Variants in REEP1 observed in about 807,000 individuals in gnomAD.
REEP1 encodes the protein receptor expression-enhancing protein 1.
In REEP1, 22 loss-of-function variants were observed where a neutral mutation model predicts 40.3. The observed-to-expected ratio is 0.55, with a 90% confidence interval of 0.39 to 0.78. The LOEUF is 0.78. REEP1 is among the 30% of genes least tolerant of loss of function. The pLI is 0.00. For missense variants in REEP1, 280 were observed against 361.1 expected (o/e 0.78, Z 1.82); for synonymous variants, 116 against 139.2 (o/e 0.83, Z 1.17).
In REEP1 at chr2:86,337,437, G is replaced by A; in HGVS notation, c.32+42C>T. 1 of 1,213,270 alleles carries A rather than the reference G, an allele frequency of 8.2e-7. No individual in the cohort carries two copies. Among genetic ancestry groups the A allele is most frequent in the Admixed American group, 4.2e-5 (1 of 23,796 alleles). The allele number at this position is 1,213,270 out of a possible 1,614,324, so 75.2% of individuals were successfully genotyped here. ...GCGCGCAGCCCGGGGCCGGGGGCGG[G>A]GAGGGAGGGGACGGAGGGGCGCGGG... On this transcript the variant is annotated intron_variant, in intron 1 of 8. Transcript: ENST00000538924. The surrounding 1 kb of genome is among the most constrained non-coding windows in gnomAD (Gnocchi z 5.8).
intron 3 of REEP1, 62 bp downstream of exon 3, chr2:86,263,900 ACCT>A: frequency 1.6e-6 from 2 of 1,237,528 alleles, no homozygotes; most frequent in South Asian, 2.4e-5. Flanking sequence ...GCCCTTTCCC[ACCT>A]CCCCCTGAGT....
Position 86,232,602 on chromosome 2 carries a change from A to C in REEP1, c.595+23T>G, listed in dbSNP as rs765473644. 5.6e-6 allele frequency: 9 copies of C among 1,610,762 alleles called. No homozygotes were observed. In the East Asian group the frequency reaches 2.0e-4, roughly 36 times the overall value. On this transcript the variant is annotated intron_variant, in intron 6 of 8. Coordinates refer to ENST00000538924, the MANE Select transcript of REEP1 (RefSeq NM_001371279.1). The stretch of plus-strand genomic sequence containing the variant: ...AAGCGAGGCCCAAGGAGTGGGAAAG[A>C]GGGGAAGTAAAGTGACACCTACCTG...
At position 86,217,169 on chromosome 2, in the gene REEP1, G is replaced by C. The variant is rs186326430; in HGVS notation, c.784-59C>G. The C allele has an allele frequency of 3.1e-4, 438 of 1,430,750 alleles. 3 individuals are homozygous for C. Among genetic ancestry groups the C allele is most frequent in the Admixed American group, 9.1e-4 (54 of 59,630 alleles). 88.6% of individuals were successfully genotyped at this position (1,430,750 alleles called of 1,614,324 possible). On this transcript the variant is annotated intron_variant, in intron 8 of 8. Coordinates refer to ENST00000538924, the MANE Select transcript of REEP1 (RefSeq NM_001371279.1). ...TGGTGTAAATGTGGGATCTTTTGAGGTCAGCACCTGGAAGGCATTGTGTTG... is the reference window on the plus strand; with the variant it reads ...TGGTGTAAATGTGGGATCTTTTGAGCTCAGCACCTGGAAGGCATTGTGTTG...
chr2:86,215,042 T>TTTTTTC lies in REEP1; in HGVS notation c.*1996_*1997insGAAAAA, dbSNP rs1674030523. 6.6e-6 allele frequency: 1 copy of TTTTTTC among 150,482 alleles called. No homozygotes were observed. Among genetic ancestry groups the TTTTTTC allele is most frequent in the Non-Finnish European group, 1.5e-5 (1 of 67,650 alleles). 9.3% of individuals were successfully genotyped at this position (150,482 alleles called of 1,614,324 possible). A position where few individuals can be genotyped will look rare whatever the true frequency, so the allele number is the denominator to read the frequency against. ...TGTAAGCTTTTTTTTTTTTTTTTTT[T>TTTTTTC]TTTTGCATTCGTTTCTGATAATTCT... On this transcript the variant is annotated 3_prime_UTR_variant, in exon 9 of 9. Transcript: ENST00000538924.
intron 6 of REEP1, among the ~76,000 whole-genome samples, chr2:86,231,827 G>A (rs75267319): frequency 1.8e-3 from 280 of 152,244 alleles, no homozygotes; most frequent in African/African-American, 6.2e-3. Flanking sequence ...CCTGAAACCC[G>A]TGCTGGTGGA....
chr2:86,271,797 A>G (rs1459867400), intron 2 of REEP1, among the ~76,000 whole-genome samples: 2 of 152,246 alleles, frequency 1.3e-5, no homozygotes, highest in Non-Finnish European at 2.9e-5. Flanking sequence ...GGATCTGGGA[A>G]TTCTCAACAT....
intron 5 of REEP1, among the ~76,000 whole-genome samples, chr2:86,249,100 A>G (rs1383211891): frequency 6.6e-6 from 1 of 152,174 alleles, no homozygotes. Flanking sequence ...CTCTACTAAA[A>G]ATATAAAAAT....
chr2:86,249,712 T>C (rs1676164012), intron 5 of REEP1, among the ~76,000 whole-genome samples: 1 of 152,210 alleles, frequency 6.6e-6, no homozygotes, highest in Non-Finnish European at 1.5e-5. Flanking sequence ...GACCAAGGCC[T>C]GAAGTGATCC....
intron 5 of REEP1, chr2:86,251,710 G>A (rs553911742): frequency 2.9e-5 from 16 of 548,152 alleles, no homozygotes; most frequent in Non-Finnish European, 4.6e-5. Flanking sequence ...AACCTGGGAC[G>A]CACAGATGAG....
Position 86,214,956 on chromosome 2 carries a change from T to C in REEP1, c.*2083A>G, listed in dbSNP as rs1674020701. ...ATATAGGTTGTTCACGATAGGATTT[T>C]AAACTGCTGCTAAAGGCAATTTATT... On this transcript the variant is annotated 3_prime_UTR_variant, in exon 9 of 9. Transcript: ENST00000538924. The C allele has an allele frequency of 6.8e-6, 1 of 146,262 alleles. No individual in the cohort carries two copies. Among genetic ancestry groups the C allele is most frequent in the South Asian group, 2.2e-4 (1 of 4,562 alleles). The allele number at this position is 146,262 out of a possible 1,614,324, so 9.1% of individuals were successfully genotyped here. A position where few individuals can be genotyped will look rare whatever the true frequency, so the allele number is the denominator to read the frequency against.
chr2:86,313,089 T>C (rs1041365471), intron 1 of REEP1, among the ~76,000 whole-genome samples: 6 of 152,164 alleles, frequency 3.9e-5, no homozygotes, highest in African/African-American at 1.4e-4. Flanking sequence ...GCAAATGGAT[T>C]AAAAGAATAT....
intron 1 of REEP1, among the ~76,000 whole-genome samples, chr2:86,317,395 C>T (rs999722279): frequency 1.1e-4 from 17 of 152,170 alleles, no homozygotes; most frequent in African/African-American, 4.1e-4. Flanking sequence ...CTGTACAGAA[C>T]AGTGAGTGAT....
intron 5 of REEP1, among the ~76,000 whole-genome samples, chr2:86,245,652 C>A (rs535296094): frequency 6.6e-6 from 1 of 152,100 alleles, no homozygotes; most frequent in East Asian, 1.9e-4. Flanking sequence ...GCAACTGGCC[C>A]CCTGGCTCCC....
chr2:86,226,443 T>C (rs1674703874), intron 7 of REEP1, among the ~76,000 whole-genome samples: 2 of 67,712 alleles, frequency 3.0e-5, no homozygotes, highest in Admixed American at 2.8e-4. Context: ...CAAGGAAGTA[T>C]GACCCTGTTG....
chr2:86,243,643 C>T (rs930306111), intron 5 of REEP1, among the ~76,000 whole-genome samples: 3 of 152,184 alleles, frequency 2.0e-5, no homozygotes, highest in Non-Finnish European at 2.9e-5. Flanking sequence ...GGTTCTGCTT[C>T]GACACATTTT....
At chr2:86,253,235 C>G (rs1158295680) in intron 4 of REEP1, among the ~76,000 whole-genome samples, 3 of 152,138 alleles carry the variant, frequency 2.0e-5, no homozygotes, top group African/African-American at 7.2e-5. Context: ...GAGCCGAGAT[C>G]GTGCCACTGC....
intron 1 of REEP1, among the ~76,000 whole-genome samples, chr2:86,314,014 A>G (rs755652638): frequency 2.0e-5 from 3 of 152,242 alleles, no homozygotes; most frequent in Non-Finnish European, 4.4e-5. Flanking sequence ...CACGTTTGTG[A>G]CTTTGTATCC....
At chr2:86,332,568 C>G (rs985156197) in intron 1 of REEP1, among the ~76,000 whole-genome samples, 1 of 152,068 alleles carries the variant, frequency 6.6e-6, no homozygotes, top group Non-Finnish European at 1.5e-5. Flanking sequence ...CTCCCCAGGG[C>G]TCCTCCTCCC....
chr2:86,309,655 G>T (rs1249548392), intron 1 of REEP1, among the ~76,000 whole-genome samples: 4 of 152,204 alleles, frequency 2.6e-5, no homozygotes, highest in African/African-American at 9.7e-5. Flanking sequence ...TTCCTAGCTT[G>T]CAGACAGCCA....
Sources: allele counts gnomAD v4.1 joint callset (sites outside exome capture counted in the v4.1 genomes callset), GRCh38; gene constraint gnomAD v4.1.1; non-coding constraint Gnocchi (gnomAD v3.1); transcripts MANE v1.5; gene names NCBI Gene and HGNC (gene_info 2026-07-23, HGNC 2026-07-21).